SAMMSON: variants seen among roughly 807,000 people sequenced by gnomAD.
SAMMSON encodes the protein long intergenic non-protein coding RNA 1212.
chr3:70,270,495 C>G (rs1372253334), intron 6 of SAMMSON, among the ~76,000 whole-genome samples: 3 of 152,064 alleles, frequency 2.0e-5, no homozygotes, highest in Non-Finnish European at 2.9e-5. Flanking sequence ...ATTGTCAGTA[C>G]TGGGGTACTT....
intron 2 of SAMMSON, among the ~76,000 whole-genome samples, chr3:70,402,940 T>TTA (rs907282914): frequency 6.6e-6 from 1 of 151,814 alleles, no homozygotes; most frequent in Non-Finnish European, 1.5e-5. Context: ...TGTATATATA[T>TTA]TATATATATA....
intron 4 of SAMMSON, among the ~76,000 whole-genome samples, chr3:70,150,401 A>G (rs2067566849): frequency 6.6e-6 from 1 of 152,072 alleles, no homozygotes; most frequent in African/African-American, 2.4e-5. Context: ...ATTCATTTAC[A>G]CTTAACTCAT....
intron 3 of SAMMSON, among the ~76,000 whole-genome samples, chr3:70,043,465 G>C (rs1161125712): frequency 1.3e-5 from 2 of 152,034 alleles, no homozygotes. Flanking sequence ...TTTGGAGCTT[G>C]TTAGAGACTC....
intron 4 of SAMMSON, among the ~76,000 whole-genome samples, chr3:70,182,239 G>T (rs1384976880): frequency 6.6e-6 from 1 of 152,262 alleles, no homozygotes; most frequent in East Asian, 1.9e-4. Context: ...AAAGAAAGGG[G>T]TGGGGGAGCT....
intron 4 of SAMMSON, among the ~76,000 whole-genome samples, chr3:70,182,902 T>G (rs1701064967): frequency 1.3e-5 from 1 of 79,382 alleles, no homozygotes; most frequent in Non-Finnish European, 3.7e-5. Context: ...GACTAATGAC[T>G]AATTGGATTT....
chr3:70,411,243 A>C (rs1172591407), intron 2 of SAMMSON, among the ~76,000 whole-genome samples: 1 of 152,152 alleles, frequency 6.6e-6, no homozygotes, highest in Non-Finnish European at 1.5e-5. Flanking sequence ...TGAAGTTTTT[A>C]TATTCTCTTT....
chr3:70,162,904 T>C (rs749785511), intron 4 of SAMMSON, among the ~76,000 whole-genome samples: 4 of 152,012 alleles, frequency 2.6e-5, no homozygotes, highest in Non-Finnish European at 4.4e-5. Flanking sequence ...CCTCTTTGTC[T>C]CTAGAAATAT....
At chr3:70,374,343 A>G (rs1186335993) in intron 9 of SAMMSON, among the ~76,000 whole-genome samples, 2 of 152,116 alleles carry the variant, frequency 1.3e-5, no homozygotes, top group Non-Finnish European at 1.5e-5. Flanking sequence ...GTGATTTTTT[A>G]TTGAAACACA....
intron 3 of SAMMSON, among the ~76,000 whole-genome samples, chr3:70,021,685 A>C (rs1290818727): frequency 6.6e-6 from 1 of 152,274 alleles, no homozygotes; most frequent in East Asian, 1.9e-4. Context: ...CAGGGAAAAA[A>C]ACCCATCATC....
chr3:70,089,122 T>C (rs922304938), intron 4 of SAMMSON, among the ~76,000 whole-genome samples: 2 of 152,138 alleles, frequency 1.3e-5, no homozygotes, highest in African/African-American at 4.8e-5. Flanking sequence ...ACAAACTGCT[T>C]GTTATATTGC....
At chr3:70,218,220 CTT>C (rs1701432973) in intron 4 of SAMMSON, among the ~76,000 whole-genome samples, 1 of 152,120 alleles carries the variant, frequency 6.6e-6, no homozygotes, top group Non-Finnish European at 1.5e-5. Context: ...GGTTAAAACA[CTT>C]ATTTCTATTT....
At chr3:70,041,997 A>C (rs2067108123) in intron 3 of SAMMSON, among the ~76,000 whole-genome samples, 1 of 152,096 alleles carries the variant, frequency 6.6e-6, no homozygotes, top group Non-Finnish European at 1.5e-5. Flanking sequence ...GTGCATGATC[A>C]ATGGCTTTGA....
At chr3:70,139,433 C>A (rs1281541995) in intron 4 of SAMMSON, among the ~76,000 whole-genome samples, 1 of 152,134 alleles carries the variant, frequency 6.6e-6, no homozygotes, top group Non-Finnish European at 1.5e-5. Context: ...AGCCCCATAC[C>A]CATGACTCTG....
intron 3 of SAMMSON, among the ~76,000 whole-genome samples, chr3:70,039,285 T>A (rs1301618879): frequency 1.3e-5 from 2 of 152,076 alleles, no homozygotes; most frequent in African/African-American, 4.8e-5. Context: ...GAACCTACTA[T>A]AATAGCTAAT....
At chr3:70,380,855 C>T in intron 9 of SAMMSON, among the ~76,000 whole-genome samples, 1 of 152,138 alleles carries the variant, frequency 6.6e-6, no homozygotes, top group Non-Finnish European at 1.5e-5. Flanking sequence ...CATCCATGCC[C>T]ATACAAAGGA....
intron 9 of SAMMSON, among the ~76,000 whole-genome samples, chr3:70,362,656 G>GTGTATGTGTGTA (rs1486377465): frequency 1.1e-4 from 16 of 151,964 alleles, no homozygotes; most frequent in Non-Finnish European, 1.9e-4. Flanking sequence ...GTAAAAAAGT[G>GTGTATGTGTGTA]TGTATGTGTG....
At chr3:70,383,804 C>T (rs1409507580) in intron 9 of SAMMSON, among the ~76,000 whole-genome samples, 6 of 151,862 alleles carry the variant, frequency 4.0e-5, no homozygotes, top group African/African-American at 7.3e-5. Context: ...TTGCTACTAA[C>T]GCATTATTAT....
At chr3:70,207,317 A>G (rs1161170732) in intron 4 of SAMMSON, among the ~76,000 whole-genome samples, 1 of 151,986 alleles carries the variant, frequency 6.6e-6, no homozygotes, top group Non-Finnish European at 1.5e-5. Flanking sequence ...TGTCCTCATA[A>G]CCTCACAGTG....
rs1045210772 is a variant in SAMMSON at position 70,234,656 on chromosome 3, G to T, written n.508-14451G>T. Reference sequence around the variant, plus strand: ...CCCTGGCTCAAAAAAAAAAAAAAAAGTTTCTGGTGCTTAATAGAGCTATGG... The same window carrying T: ...CCCTGGCTCAAAAAAAAAAAAAAAATTTTCTGGTGCTTAATAGAGCTATGG... On this transcript the variant is annotated intron_variant and non_coding_transcript_variant, in intron 4 of 9. Coordinates refer to ENST00000642114, the Ensembl canonical transcript of SAMMSON. 5.4e-4 allele frequency among the ~76,000 whole-genome samples: 80 copies of T among 148,804 alleles called. 1 individual carries two copies. Among genetic ancestry groups the T allele is most frequent in the South Asian group, 1.5e-3 (7 of 4,734 alleles).
Sources: allele counts gnomAD v4.1 joint callset (sites outside exome capture counted in the v4.1 genomes callset), GRCh38; gene constraint gnomAD v4.1.1; transcripts MANE v1.5; gene names NCBI Gene and HGNC (gene_info 2026-07-23, HGNC 2026-07-21).